Variants in ZNF592 observed in about 807,000 individuals in gnomAD.
ZNF592 encodes the protein spinocerebellar ataxia, autosomal recessive 5.
In ZNF592, 11 loss-of-function variants were observed where a neutral mutation model predicts 80.3. That is an observed-to-expected ratio of 0.14 (90% CI 0.09 to 0.23). ZNF592 has a LOEUF of 0.23. Among genes scored for constraint, ZNF592 ranks in the 10% least tolerant of loss-of-function variants. The probability of loss-of-function intolerance (pLI) is 1.00; values close to 1 mark genes in which losing one functional copy is unlikely to be tolerated. For missense variants in ZNF592, 1,420 were observed against 1,633.9 expected, an observed-to-expected ratio of 0.87 and a Z score of 2.26; for synonymous variants, 646 against 640.3, an observed-to-expected ratio of 1.01 and a Z score of -0.13.
At chr15:84,754,419 G>C (rs1361255432) in intron 1 of ZNF592, 1 of 152,136 alleles carries the variant, frequency 6.6e-6, no homozygotes, top group Non-Finnish European at 1.5e-5. Flanking sequence ...AAAACAAGCT[G>C]ATTGTGGTGG....
chr15:84,796,248 ATATATATATATATATATTTT>A (rs1567076203), intron 5 of ZNF592, among the ~76,000 whole-genome samples: 6,016 of 29,650 alleles, frequency 0.2, 682 homozygotes, highest in Non-Finnish European at 0.25. Context: ...AAATATATAT[ATATATATATATATATATTTT>A]ATATATATAT....
chr15:84,794,742 G>C (rs1025378272), intron 5 of ZNF592, among the ~76,000 whole-genome samples: 1 of 152,182 alleles, frequency 6.6e-6, no homozygotes, highest in African/African-American at 2.4e-5. Flanking sequence ...CTCCCAAAGT[G>C]CTGGGATTAC....
At chr15:84,797,140 A>G (rs1002252352) in intron 5 of ZNF592, among the ~76,000 whole-genome samples, 1 of 152,122 alleles carries the variant, frequency 6.6e-6, no homozygotes, top group African/African-American at 2.4e-5. Context: ...TTGTATTTTT[A>G]GTAGAAACAG....
Position 84,802,021 on chromosome 15 carries a change from TCAG to T in ZNF592, c.3435_3437del (p.Gln1145del). 3 of 1,613,934 alleles carry T rather than the reference TCAG, an allele frequency of 1.9e-6. No homozygotes were observed. The highest frequency in any genetic ancestry group is 2.5e-6 in the Non-Finnish European group (3 of 1,179,866). On this transcript the variant is annotated inframe_deletion, in exon 11 of 11. Transcript: ENST00000560079. ...GGCTCGAGTTTCAGAGCCACATACCTCAGCACCAGGTGGACAGCTCCACAGCCC... is the reference window on the plus strand; with the variant it reads ...GGCTCGAGTTTCAGAGCCACATACCTCACCAGGTGGACAGCTCCACAGCCC...
chr15:84,795,207 A>C (rs1241926027), intron 5 of ZNF592, among the ~76,000 whole-genome samples: 1 of 152,136 alleles, frequency 6.6e-6, no homozygotes, highest in Non-Finnish European at 1.5e-5. Context: ...ATAAGGATGC[A>C]AGTTTAGACT....
chr15:84,801,725 A>C (rs942889654), intron 10 of ZNF592, 138 bp from the exon 11 acceptor site: 1 of 1,244,726 alleles, frequency 8.0e-7, no homozygotes, highest in African/African-American at 1.5e-5. Context: ...GAAACAAACC[A>C]AACGTAAACC....
chr15:84,764,549 T>C (rs1899444395), intron 1 of ZNF592, among the ~76,000 whole-genome samples, 158 bp from the exon 2 acceptor site: 2 of 152,328 alleles, frequency 1.3e-5, no homozygotes, highest in Admixed American at 1.3e-4. Flanking sequence ...TGTCTTTGAC[T>C]ACATTTGTGG....
intron 5 of ZNF592, among the ~76,000 whole-genome samples, chr15:84,796,277 AT>A (rs1962916088): frequency 1.8e-5 from 1 of 56,486 alleles, no homozygotes; most frequent in African/African-American, 9.7e-5. Context: ...TTATATATAT[AT>A]ATATATATAT....
rs964333192 is a variant in ZNF592 at position 84,768,821 on chromosome 15, G to T, written c.-150+4006G>T. 2.6e-5 allele frequency among the ~76,000 whole-genome samples: 4 copies of T among 152,300 alleles called. No individual in the cohort carries two copies. The East Asian group carries it at 5.8e-4, about 22-fold the overall frequency. ...AGGTCTCTCTAAAATTTTAAAAAGT[G>T]AAACAAAAATTTGCATATTTGCAAA... On this transcript the variant is annotated intron_variant, in intron 2 of 10. Transcript: ENST00000560079.
At chr15:84,790,926 T>C (rs1477406672) in intron 5 of ZNF592, 43 bp downstream of exon 5, 1 of 1,612,972 alleles carries the variant, frequency 6.2e-7, no homozygotes, top group East Asian at 2.2e-5. Context: ...GCCCAATGGC[T>C]GGTCCTTTTC....
In ZNF592 at chr15:84,783,621, A is replaced by G; in HGVS notation, c.946A>G (p.Lys316Glu). 6.2e-7 allele frequency: 1 copy of G among 1,614,174 alleles called. No individual in the cohort carries two copies. The highest frequency in any genetic ancestry group is 8.5e-7 in the Non-Finnish European group (1 of 1,180,024). The change falls in exon 4 of 11, where the codon AAA becomes GAA. Residue 316 changes from lysine (K) to glutamate (E), a missense_variant. This residue lies in a region of ZNF592 where 524 missense variants were observed against 628.3 expected (regional missense o/e 0.83). Transcript: ENST00000560079. This position sits in a 1 kb window ranked among gnomAD's most constrained non-coding sequence, Gnocchi z 5.0. ...CACAAAGGATCTCTCAGGGCCCACT[A>G]AAGAGAGTTCTAAAGGTAGCCCCAA... The part of the protein sequence containing the change: ...GHTKDLSGPT[K>E]ESSKGSPKMP...
At chr15:84,753,376 G>A (rs1899068490) in intron 1 of ZNF592, 1 of 151,992 alleles carries the variant, frequency 6.6e-6, no homozygotes, top group Non-Finnish European at 1.5e-5. Context: ...CACTGATTTA[G>A]GATCTTTATC....
rs61746436 is a variant in ZNF592, at chr15:84,799,208, C to T, written c.3135C>T (p.Cys1045=). The change falls in exon 9 of 11, where the codon TGC becomes TGT. Residue 1045 remains cysteine, a splice_region_variant and synonymous_variant. Coordinates refer to ENST00000560079, the MANE Select transcript of ZNF592 (RefSeq NM_014630.3). The surrounding 1 kb of genome is among the most constrained non-coding windows in gnomAD (Gnocchi z 4.2). ...ACACAGTAAAGAAGTTCTACACCTG[C>T]GGGTGAGTCCCTGGGGATAGTAGTG... The part of the protein sequence containing the change: ...NHDTVKKFYT[C]GYCTEDSPSF... 107 of 1,614,066 alleles carry T rather than the reference C, an allele frequency of 6.6e-5. No individual in the cohort carries two copies. The African/African-American group carries it at 1.1e-3, about 16-fold the overall frequency.
At position 84,783,450 on chromosome 15, in the gene ZNF592, G is replaced by A; in HGVS notation, c.775G>A (p.Ala259Thr). The A allele has an allele frequency of 1.2e-6, 2 of 1,614,188 alleles. No individual in the cohort carries two copies. Among genetic ancestry groups the A allele is most frequent in the Non-Finnish European group, 1.7e-6 (2 of 1,180,036 alleles). The change falls in exon 4 of 11, where the codon GCC becomes ACC. Residue 259 changes from alanine (A) to threonine (T), a missense_variant. Coordinates refer to ENST00000560079, the MANE Select transcript of ZNF592 (RefSeq NM_014630.3). This position sits in a 1 kb window ranked among gnomAD's most constrained non-coding sequence, Gnocchi z 5.0. ...CAGTATTGGAGAGTCCAAGGGGCTT[G>A]CCCGGGAGCTTGGTACCTGCTCATC... ...SNSIGESKGL[A>T]RELGTCSSVP...
intron 3 of ZNF592, among the ~76,000 whole-genome samples, chr15:84,781,038 ATTAT>A (rs923778639): frequency 6.6e-6 from 1 of 151,622 alleles, no homozygotes; most frequent in African/African-American, 2.4e-5. Flanking sequence ...GAGAATTTTT[ATTAT>A]TTATTTATTT....
rs1567077046 is a variant in ZNF592 at position 84,797,852 on chromosome 15, A to AC, written c.2400-13dup. 6.2e-7 allele frequency: 1 copy of AC among 1,613,660 alleles called. No individual in the cohort carries two copies. On this transcript the variant is annotated splice_polypyrimidine_tract_variant and intron_variant, in intron 5 of 10. Coordinates refer to ENST00000560079, the MANE Select transcript of ZNF592 (RefSeq NM_014630.3). ...CCTATACTCCACCCACACTCACACT[A>AC]CCCCACTTCTGTCTAGGTGCATCCA...
chr15:84,790,775 A>C lies in ZNF592; in HGVS notation c.2291A>C (p.His764Pro), dbSNP rs779847147. 1.2e-6 allele frequency: 2 copies of C among 1,614,072 alleles called. No individual in the cohort carries two copies. The highest frequency in any genetic ancestry group is 1.7e-6 in the Non-Finnish European group (2 of 1,180,046). The change falls in exon 5 of 11, where the codon CAC becomes CCC. Residue 764 changes from histidine to proline, a missense_variant. By Grantham distance (77) the His-to-Pro change is moderately conservative. This residue lies in a region of ZNF592 where 524 missense variants were observed against 628.3 expected (regional missense o/e 0.83). Coordinates refer to ENST00000560079, the MANE Select transcript of ZNF592 (RefSeq NM_014630.3). The part of the protein sequence containing the change: ...SFCAHQRIHA[H>P]KSPYCCPECG... ...TGTGCCCACCAGCGGATTCATGCACACAAGTCCCCCTACTGCTGCCCGGAG... is the reference window on the plus strand; with the variant it reads ...TGTGCCCACCAGCGGATTCATGCACCCAAGTCCCCCTACTGCTGCCCGGAG...
In ZNF592 at chr15:84,784,529, A is replaced by G. The variant is rs775220731; in HGVS notation, c.1854A>G (p.Thr618=). The change falls in exon 4 of 11, where the codon ACA becomes ACG. Residue 618 remains threonine (T), a synonymous_variant. Coordinates refer to ENST00000560079, the MANE Select transcript of ZNF592 (RefSeq NM_014630.3). This position sits in a 1 kb window ranked among gnomAD's most constrained non-coding sequence, Gnocchi z 5.8. ...RRSVHIEVLC[T]LCSKTLLFFN... is the part of the protein sequence containing the mutation. ...GCGTCCACATTGAGGTACTGTGCAC[A>G]CTGTGCTCCAAGACGCTGCTCTTCT... 4 of 1,614,164 alleles carry G rather than the reference A, an allele frequency of 2.5e-6. No homozygotes were observed. Among genetic ancestry groups the G allele is most frequent in the Non-Finnish European group, 3.4e-6 (4 of 1,180,032 alleles).
intron 3 of ZNF592, among the ~76,000 whole-genome samples, chr15:84,781,219 TG>T (rs1962413416): frequency 6.6e-6 from 1 of 152,028 alleles, no homozygotes; most frequent in Non-Finnish European, 1.5e-5. Flanking sequence ...GGCTGATTTT[TG>T]TATTTTTAGT....
Sources: allele counts gnomAD v4.1 joint callset (sites outside exome capture counted in the v4.1 genomes callset), GRCh38; gene constraint gnomAD v4.1.1; regional missense constraint gnomAD v4.1.1; non-coding constraint Gnocchi (gnomAD v3.1); transcripts MANE v1.5; gene names NCBI Gene and HGNC (gene_info 2026-07-23, HGNC 2026-07-21).